The following IMMP2L variants were observed in gnomAD, a reference collection of about 807,000 sequenced individuals.
IMMP2L encodes the protein mitochondrial inner membrane protease subunit 2.
IMMP2L carries 18 observed loss-of-function variants against 19.3 expected under a neutral mutation model. The ratio of observed to expected loss-of-function variants is 0.93; its 90% CI spans 0.64 to 1.38. IMMP2L has a LOEUF of 1.38. Ranked by LOEUF, IMMP2L falls within the 40% of genes most tolerant of loss-of-function variation. IMMP2L has a pLI of 0.00. For synonymous variants in IMMP2L, 76 were observed against 73.0 expected, an observed-to-expected ratio of 1.04 and a Z score of -0.21; for missense variants, 233 against 218.2, an observed-to-expected ratio of 1.07 and a Z score of -0.43.
At chr7:111,091,868 AAGACAGAGAGG>A (rs1230353445) in intron 3 of IMMP2L, among the ~76,000 whole-genome samples, 3 of 152,036 alleles carry the variant, frequency 2.0e-5, no homozygotes, top group South Asian at 4.1e-4. Flanking sequence ...GGGAAGAGAG[AAGACAGAGAGG>A]AGACAGAGAG....
chr7:111,503,739 A>G (rs1208477824), intron 2 of IMMP2L, among the ~76,000 whole-genome samples: 51 of 152,164 alleles, frequency 3.4e-4, no homozygotes, highest in Admixed American at 7.2e-4. Context: ...ATCTCAATAG[A>G]TGCAGAAAAG....
chr7:110,712,973 C>T (rs550927454), intron 5 of IMMP2L, among the ~76,000 whole-genome samples: 1 of 151,672 alleles, frequency 6.6e-6, no homozygotes, highest in Non-Finnish European at 1.5e-5. Flanking sequence ...CCGTCTTCTG[C>T]GTCACTCACG....
intron 3 of IMMP2L, among the ~76,000 whole-genome samples, chr7:111,026,167 G>A (rs28675923): frequency 6.6e-6 from 1 of 152,212 alleles, no homozygotes; most frequent in South Asian, 2.1e-4. Flanking sequence ...CAACCATTGT[G>A]TAATTTTACC....
In IMMP2L at chr7:110,727,022, C is replaced by T. The variant is rs1364961922; in HGVS notation, c.409-63301G>A. On this transcript the variant is annotated intron_variant, in intron 5 of 5. Coordinates refer to ENST00000405709, the MANE Select transcript of IMMP2L (RefSeq NM_032549.4). The surrounding 1 kb of genome is among the most constrained non-coding windows in gnomAD (Gnocchi z 4.3). The stretch of plus-strand genomic sequence containing the variant: ...GGCTTTATTAGCAAGAATGGAAATG[C>T]TTCCTTAGGCATTAAATAATTGCAG... Among the ~76,000 whole-genome samples, 2 of 152,166 alleles carry T rather than the reference C, an allele frequency of 1.3e-5. No individual in the cohort carries two copies. Among genetic ancestry groups the T allele is most frequent in the East Asian group, 1.9e-4 (1 of 5,188 alleles).
chr7:110,956,029 G>A (rs1234951280), intron 4 of IMMP2L, among the ~76,000 whole-genome samples: 1 of 151,812 alleles, frequency 6.6e-6, no homozygotes, highest in Non-Finnish European at 1.5e-5. Context: ...ATCGTTTGCT[G>A]GAACCTAATA....
chr7:111,270,394 C>T (rs1818327304), intron 3 of IMMP2L, among the ~76,000 whole-genome samples: 1 of 152,066 alleles, frequency 6.6e-6, no homozygotes, highest in African/African-American at 2.4e-5. Context: ...AACATAGTGA[C>T]AGAATGCAAT....
At position 110,680,738 on chromosome 7, in the gene IMMP2L, C is replaced by T. The variant is rs540479107; in HGVS notation, c.409-17017G>A. ...CCTCCAGCAAAATGATCCAGATATT[C>T]CTTTTCTCCACTCCCAGCAGCTAGG... On this transcript the variant is annotated intron_variant, in intron 5 of 5. Transcript: ENST00000405709. 2.5e-4 allele frequency among the ~76,000 whole-genome samples: 38 copies of T among 152,246 alleles called. No individual in the cohort carries two copies. The South Asian group carries it at 6.4e-3, about 26-fold the overall frequency.
chr7:111,366,633 T>A (rs939933605), intron 3 of IMMP2L, among the ~76,000 whole-genome samples: 1 of 152,008 alleles, frequency 6.6e-6, no homozygotes, highest in African/African-American at 2.4e-5. Flanking sequence ...CTGGATATTA[T>A]ACTGTGATTA....
chr7:111,149,921 T>C (rs769318553), intron 3 of IMMP2L, among the ~76,000 whole-genome samples: 1 of 152,198 alleles, frequency 6.6e-6, no homozygotes, highest in Non-Finnish European at 1.5e-5. Context: ...AAAAAACAAC[T>C]GCTGGCTATT....
At chr7:111,112,789 C>G (rs1319317487) in intron 3 of IMMP2L, among the ~76,000 whole-genome samples, 3 of 152,112 alleles carry the variant, frequency 2.0e-5, no homozygotes, top group Admixed American at 2.0e-4. Flanking sequence ...TATCGTCTTC[C>G]TTAGGTATAG....
chr7:111,516,385 G>C (rs1055847656), intron 2 of IMMP2L, among the ~76,000 whole-genome samples: 2 of 151,744 alleles, frequency 1.3e-5, no homozygotes, highest in Non-Finnish European at 2.9e-5. Context: ...GAGGAAGAGA[G>C]AGAGAAGAGG....
At chr7:111,209,431 A>G (rs1465129394) in intron 3 of IMMP2L, among the ~76,000 whole-genome samples, 2 of 151,882 alleles carry the variant, frequency 1.3e-5, no homozygotes, top group South Asian at 2.1e-4. Context: ...AAACTCACTA[A>G]TTACGGATTA....
intron 3 of IMMP2L, among the ~76,000 whole-genome samples, chr7:111,474,466 G>A (rs1033150792): frequency 1.3e-5 from 2 of 151,370 alleles, no homozygotes; most frequent in African/African-American, 4.9e-5. Flanking sequence ...AGGAGGTTAA[G>A]TTCATTAGCC....
At chr7:111,359,538 G>C (rs1482611667) in intron 3 of IMMP2L, among the ~76,000 whole-genome samples, 1 of 151,924 alleles carries the variant, frequency 6.6e-6, no homozygotes, top group Non-Finnish European at 1.5e-5. Context: ...CTGACCCCAA[G>C]TAACCCACCT....
intron 3 of IMMP2L, among the ~76,000 whole-genome samples, chr7:111,067,683 A>G (rs1794629920): frequency 6.6e-6 from 1 of 152,220 alleles, no homozygotes; most frequent in Non-Finnish European, 1.5e-5. Context: ...AGGAAAACTG[A>G]TGCTCAAAGA....
chr7:111,556,842 C>T (rs184197686), intron 1 of IMMP2L, among the ~76,000 whole-genome samples: 14 of 152,224 alleles, frequency 9.2e-5, no homozygotes, highest in African/African-American at 2.9e-4. Context: ...GTTTCTCCAG[C>T]CTTTGCAATC....
chr7:110,854,971 T>C (rs540125177), intron 5 of IMMP2L, among the ~76,000 whole-genome samples: 152 of 152,104 alleles, frequency 1.0e-3, no homozygotes, highest in African/African-American at 3.5e-3. Context: ...AGATGTGTCA[T>C]ATTCCCAAAC....
At chr7:111,109,847 C>T (rs1402368174) in intron 3 of IMMP2L, among the ~76,000 whole-genome samples, 1 of 152,102 alleles carries the variant, frequency 6.6e-6, no homozygotes, top group Non-Finnish European at 1.5e-5. Flanking sequence ...CTTAAAAAGT[C>T]TTCAGGGGCT....
intron 3 of IMMP2L, among the ~76,000 whole-genome samples, chr7:111,077,005 T>C (rs533057547): frequency 3.7e-4 from 56 of 152,354 alleles, no homozygotes; most frequent in African/African-American, 1.2e-3. Context: ...TTGCATGAGC[T>C]GAGTCTCAGG....
Sources: allele counts gnomAD v4.1 joint callset (sites outside exome capture counted in the v4.1 genomes callset), GRCh38; gene constraint gnomAD v4.1.1; non-coding constraint Gnocchi (gnomAD v3.1); transcripts MANE v1.5; gene names NCBI Gene and HGNC (gene_info 2026-07-23, HGNC 2026-07-21).